The following ARHGAP9 variants were observed in gnomAD, a reference collection of about 807,000 sequenced individuals.
The protein encoded by ARHGAP9 is rho GTPase-activating protein 9.
ARHGAP9 carries 76 observed loss-of-function variants against 87.3 expected under a neutral mutation model. The ratio of observed to expected loss-of-function variants is 0.87; its 90% CI spans 0.72 to 1.05. The LOEUF (loss-of-function observed/expected upper bound fraction) is 1.05. Ranked by LOEUF, ARHGAP9 falls within the 50% of genes least tolerant of loss-of-function variation. ARHGAP9 has a pLI of 0.00. For missense variants in ARHGAP9, 941 were observed against 960.5 expected (o/e 0.98, Z 0.27); for synonymous variants, 382 against 394.9 (o/e 0.97, Z 0.39).
chr12:57,481,090 T>C (rs528704214), upstream of ARHGAP9, among the ~76,000 whole-genome samples: 21 of 152,258 alleles, frequency 1.4e-4, no homozygotes, highest in Non-Finnish European at 4.4e-5. Flanking sequence ...GAATCCACCC[T>C]TTTTTTGCCT....
chr12:57,474,460 G>A lies in ARHGAP9; in HGVS notation c.1746C>T (p.Ser582=), dbSNP rs34133632. The A allele has an allele frequency of 0.026, 42,096 of 1,614,044 alleles. 1,392 individuals are homozygous for A. Among genetic ancestry groups the A allele is most frequent in the African/African-American group, 0.15 (11,558 of 74,958 alleles). The part of the protein sequence containing the change: ...FLVDRERAVT[S]DGRYVFPEQP... ...GTTCTGGGAACACATACCTCCCATC[G>A]GAGGTGACCGCACGCTCTGCAACAT... The change falls in exon 15 of 18, where the codon TCC becomes TCT. Residue 582 remains serine, a synonymous_variant. Coordinates refer to ENST00000393791, the MANE Select transcript of ARHGAP9 (RefSeq NM_032496.4).
upstream of ARHGAP9, among the ~76,000 whole-genome samples, chr12:57,482,515 C>A (rs897964055): frequency 8.6e-5 from 13 of 152,032 alleles, no homozygotes; most frequent in Admixed American, 7.9e-4. Flanking sequence ...CCTGGGATTA[C>A]AGGCGTGAGC....
chr12:57,477,951 G>A, intron 3 of ARHGAP9: 1 of 1,258,930 alleles, frequency 7.9e-7, no homozygotes. Flanking sequence ...CACAGGAAAG[G>A]GGAACAGGCT....
Position 57,472,440 on chromosome 12 carries a change from A to G in ARHGAP9, c.*77T>C, listed in dbSNP as rs1312605074. 6.7e-7 allele frequency: 1 copy of G among 1,490,528 alleles called. No homozygotes were observed. The highest frequency in any genetic ancestry group is 9.0e-7 in the Non-Finnish European group (1 of 1,110,762). The allele number at this position is 1,490,528 out of a possible 1,614,324, so 92.3% of individuals were successfully genotyped here. A position where few individuals can be genotyped will look rare whatever the true frequency, so the allele number is the denominator to read the frequency against. The stretch of plus-strand genomic sequence containing the variant: ...ACAGTCATTTGGGAGATTTAAAGGG[A>G]TATCCTCAAAACAGAACACCAGCCT... On this transcript the variant is annotated 3_prime_UTR_variant, in exon 18 of 18. Transcript: ENST00000393791.
At chr12:57,478,779 G>A (rs1238540260) in intron 2 of ARHGAP9, 22 bp from the exon 3 acceptor site, 1 of 1,590,520 alleles carries the variant, frequency 6.3e-7, no homozygotes, top group Non-Finnish European at 8.6e-7. Context: ...AAAGGGGAGG[G>A]TGGGTGGCAG....
chr12:57,488,130 C>T (rs866404835), intron 1 of ARHGAP9: 1 of 1,614,146 alleles, frequency 6.2e-7, no homozygotes, highest in Non-Finnish European at 8.5e-7. Flanking sequence ...GGGTTGCTTG[C>T]CGGTGCTGGC....
At chr12:57,479,982 G>A, upstream of ARHGAP9, 3 of 1,361,010 alleles carry the variant, frequency 2.2e-6, no homozygotes, top group Non-Finnish European at 2.8e-6. Context: ...GAGACATGGT[G>A]ACAGAGAAAC....
rs998097372 is a variant in ARHGAP9 at position 57,476,302 on chromosome 12, C to G, written c.1116+62G>C. The G allele has an allele frequency of 3.2e-6, 5 of 1,582,738 alleles. No individual in the cohort carries two copies. The East Asian group carries it at 1.1e-4, about 36-fold the overall frequency. On this transcript the variant is annotated intron_variant, in intron 8 of 17. Transcript: ENST00000393791. ...GCACCGCCCTCCCCGCTGCCGCCCC[C>G]ACATTGGCGTGAGGCGGTAGGCAGC...
upstream of ARHGAP9, among the ~76,000 whole-genome samples, chr12:57,481,247 TTTC>T (rs1435522739): frequency 3.3e-5 from 5 of 152,058 alleles, no homozygotes; most frequent in East Asian, 1.9e-4. Flanking sequence ...TCTCTCTCTC[TTTC>T]TTCTTCTCTT....
At chr12:57,477,300 A>C (rs779588474) in intron 4 of ARHGAP9, 31 bp from the exon 5 acceptor site, 12 of 1,534,820 alleles carry the variant, frequency 7.8e-6, no homozygotes, top group Non-Finnish European at 1.1e-5. Flanking sequence ...ATAAAGCTAC[A>C]TCCAGATGCC....
In ARHGAP9 at chr12:57,474,854, T is replaced by C. The variant is rs1240623840; in HGVS notation, c.1651+21A>G. The C allele has an allele frequency of 2.5e-6, 4 of 1,613,778 alleles. No homozygotes were observed. The Admixed American group carries it at 6.7e-5, about 27-fold the overall frequency. ...GCCTTAGCCTGTTGGAAGAGGATTC[T>C]GGGGTCTCTGAGAAAATGACCTCTT... is the stretch of plus-strand genomic sequence containing the variant. On this transcript the variant is annotated intron_variant, in intron 13 of 17. Transcript: ENST00000393791.
chr12:57,477,366 G>A, intron 4 of ARHGAP9, 93 bp downstream of exon 4: 1 of 1,525,434 alleles, frequency 6.6e-7, no homozygotes, highest in Non-Finnish European at 8.9e-7. Flanking sequence ...CTGATCTTCT[G>A]AGAGCCCCGG....
At position 57,474,982 on chromosome 12, in the gene ARHGAP9, G is replaced by A. The variant is rs766347449; in HGVS notation, c.1553-9C>T. The A allele has an allele frequency of 6.2e-7, 1 of 1,613,108 alleles. No individual in the cohort carries two copies. The highest frequency in any genetic ancestry group is 1.1e-5 in the South Asian group (1 of 91,076). Reference sequence around the variant, plus strand: ...GCAGCCGAACACCTGGTCTGGGGAAGTAGAGTGAGGCGGGAAGCCAGTGCC... The same window carrying A: ...GCAGCCGAACACCTGGTCTGGGGAAATAGAGTGAGGCGGGAAGCCAGTGCC... On this transcript the variant is annotated splice_polypyrimidine_tract_variant and intron_variant, in intron 12 of 17. Coordinates refer to ENST00000393791, the MANE Select transcript of ARHGAP9 (RefSeq NM_032496.4).
intron 15 of ARHGAP9, 109 bp from the exon 16 acceptor site, chr12:57,474,285 A>G: frequency 6.3e-7 from 1 of 1,580,434 alleles, no homozygotes; most frequent in Non-Finnish European, 8.7e-7. Flanking sequence ...AGGAATGCCT[A>G]GAGGGTCTGC....
At position 57,478,723 on chromosome 12, in the gene ARHGAP9, C is replaced by T. The variant is rs368912616; in HGVS notation, c.351G>A (p.Leu117=). The T allele has an allele frequency of 6.2e-7, 1 of 1,613,022 alleles. No individual in the cohort carries two copies. Among genetic ancestry groups the T allele is most frequent in the East Asian group, 2.2e-5 (1 of 44,840 alleles). ...PKLFHGSLEE[L]SQALPSRAQA... ...GAGCCCTGCTTGGGAGGGCCTGAGA[C>T]AACTCCTCCAGGGAACCATGAAACA... The change falls in exon 3 of 18, where the codon TTG becomes TTA. Residue 117 remains leucine (L), a synonymous_variant. Coordinates refer to ENST00000393791, the MANE Select transcript of ARHGAP9 (RefSeq NM_032496.4).
rs771901213 is a variant in ARHGAP9, at chr12:57,476,638, G to T, written c.977C>A (p.Ser326Ter). ...AATCTTGGTCATGTTGAGCAGACCCGACTTTTCCACCTCCTGGGAAGTGGA... is the reference window on the plus strand; with the variant it reads ...AATCTTGGTCATGTTGAGCAGACCCTACTTTTCCACCTCCTGGGAAGTGGA... ...LLDDPHEVEK[S>*]GLLNMTKIAQ... Residue 326 changes from serine (S) to a stop codon, truncating the protein, a stop_gained, in exon 7 of 18, where the codon TCG (serine) becomes TAG (stop). Coordinates refer to ENST00000393791, the MANE Select transcript of ARHGAP9 (RefSeq NM_032496.4). LOFTEE classifies it high-confidence loss of function. 6.2e-7 allele frequency: 1 copy of T among 1,613,750 alleles called. No individual in the cohort carries two copies. Among genetic ancestry groups the T allele is most frequent in the Non-Finnish European group, 8.5e-7 (1 of 1,179,888 alleles).
rs887245277 is a variant in ARHGAP9, at chr12:57,478,636, G to A, written c.438C>T (p.Asp146=). 7 of 1,614,002 alleles carry A rather than the reference G, an allele frequency of 4.3e-6. No homozygotes were observed. In the African/African-American group the frequency reaches 8.0e-5, roughly 18 times the overall value. The stretch of plus-strand genomic sequence containing the variant: ...GCTTCAGAAGGCTGGGGCTCAGATT[G>A]TCAGTGCTGACGCTCCTACACATTT... ...PRKMCRSVST[D]NLSPSLLKPF... Residue 146 remains aspartate, a synonymous_variant, in exon 3 of 18, where the codon GAC becomes GAT. Coordinates refer to ENST00000393791, the MANE Select transcript of ARHGAP9 (RefSeq NM_032496.4).
In ARHGAP9 at chr12:57,475,397, A is replaced by G; in HGVS notation, c.1446T>C (p.Ile482=). 1.3e-6 allele frequency: 2 copies of G among 1,593,192 alleles called. No individual in the cohort carries two copies. The highest frequency in any genetic ancestry group is 1.7e-6 in the Non-Finnish European group (2 of 1,169,802). Residue 482 remains isoleucine, a splice_region_variant and synonymous_variant, in exon 12 of 18, where the codon ATT becomes ATC. Coordinates refer to ENST00000393791, the MANE Select transcript of ARHGAP9 (RefSeq NM_032496.4). ...TCTGCTCGGTGCCTTCGGGCCCCCG[A>G]ACTGCAGGAGGCAGGTAGAGCGGGG... is the stretch of plus-strand genomic sequence containing the variant. ...LLRLSSRRSS[I]RGPEGTEQNR...
rs932621733 is a variant in ARHGAP9 at position 57,473,965 on chromosome 12, A to G, written c.1918+77T>C. 21 of 1,506,274 alleles carry G rather than the reference A, an allele frequency of 1.4e-5. No homozygotes were observed. The African/African-American group carries it at 2.9e-4, about 21-fold the overall frequency. 93.3% of individuals were successfully genotyped at this position (1,506,274 alleles called of 1,614,324 possible). The stretch of plus-strand genomic sequence containing the variant: ...TAAAGTCAGAATGGGAAAGAAGAGT[A>G]TAAGGGAACCTCTATTCTATTATTT... On this transcript the variant is annotated intron_variant, in intron 16 of 17. Coordinates refer to ENST00000393791, the MANE Select transcript of ARHGAP9 (RefSeq NM_032496.4).
Sources: allele counts gnomAD v4.1 joint callset (sites outside exome capture counted in the v4.1 genomes callset), GRCh38; gene constraint gnomAD v4.1.1; transcripts MANE v1.5; gene names NCBI Gene and HGNC (gene_info 2026-07-23, HGNC 2026-07-21).